The following SLC6A11 variants were observed in gnomAD, a reference collection of about 807,000 sequenced individuals.
The protein encoded by SLC6A11 is sodium- and chloride-dependent GABA transporter 3.
In SLC6A11, 25 loss-of-function variants were observed where a neutral mutation model predicts 74.8. The ratio of observed to expected loss-of-function variants is 0.33; its 90% CI spans 0.24 to 0.47. The LOEUF is 0.47. SLC6A11 is among the 20% of genes least tolerant of loss of function. SLC6A11 has a pLI of 1.00. For missense variants in SLC6A11, 574 were observed against 837.0 expected (o/e 0.69, Z 3.88); for synonymous variants, 330 against 330.2 (o/e 1.00, Z 0.01).
intron 4 of SLC6A11, among the ~76,000 whole-genome samples, chr3:10,842,243 G>T (rs1202437903): frequency 6.6e-6 from 1 of 152,176 alleles, no homozygotes; most frequent in African/African-American, 2.4e-5. Flanking sequence ...GTTTAAAAAT[G>T]ATTCAGGTGG....
At position 10,833,804 on chromosome 3, in the gene SLC6A11, T is replaced by C. The variant is rs546171817; in HGVS notation, c.624-10410T>C. On this transcript the variant is annotated intron_variant, in intron 4 of 13. Transcript: ENST00000254488. ...GAATAGCTGTGGTCTCCTGTTATTA[T>C]GAGTTCTTGATCATTACAGTAAACA... Among the ~76,000 whole-genome samples the C allele has an allele frequency of 6.2e-4, 94 of 152,372 alleles. 1 individual carries two copies. The highest frequency in any genetic ancestry group is 5.4e-3 in the Admixed American group (83 of 15,304).
chr3:10,934,650 A>G (rs1265536854), intron 12 of SLC6A11, among the ~76,000 whole-genome samples: 1 of 152,230 alleles, frequency 6.6e-6, no homozygotes, highest in Non-Finnish European at 1.5e-5. Context: ...GTAACTCAGC[A>G]TCTTCACAGA....
At chr3:10,855,089 A>C (rs1365751843) in intron 5 of SLC6A11, among the ~76,000 whole-genome samples, 3 of 152,066 alleles carry the variant, frequency 2.0e-5, no homozygotes, top group Admixed American at 2.0e-4. Flanking sequence ...GTGAATAGCT[A>C]TGTGGATGGA....
intron 6 of SLC6A11, among the ~76,000 whole-genome samples, chr3:10,888,619 C>T (rs1695071523): frequency 1.3e-5 from 2 of 152,318 alleles, no homozygotes; most frequent in South Asian, 4.1e-4. Flanking sequence ...GGCCCAGCCA[C>T]GCAGTGAGAG....
At chr3:10,858,003 C>T (rs573290702) in intron 5 of SLC6A11, among the ~76,000 whole-genome samples, 1 of 152,316 alleles carries the variant, frequency 6.6e-6, no homozygotes, top group South Asian at 2.1e-4. Context: ...AGAGCCGATG[C>T]ACCACTGAAT....
rs953707467 is a variant in SLC6A11 at position 10,918,944 on chromosome 3, C to T, written c.1120+491C>T. Among the ~76,000 whole-genome samples the T allele has an allele frequency of 2.6e-5, 4 of 152,046 alleles. No individual in the cohort carries two copies. Among genetic ancestry groups the T allele is most frequent in the Non-Finnish European group, 4.4e-5 (3 of 68,008 alleles). ...CCACAAAGCCCTGTGTTGCCCGGCTCCTGTGGCCCCACCAGCCTCACCACC... is the reference window on the plus strand; with the variant it reads ...CCACAAAGCCCTGTGTTGCCCGGCTTCTGTGGCCCCACCAGCCTCACCACC... On this transcript the variant is annotated intron_variant, in intron 8 of 13. Transcript: ENST00000254488. The surrounding 1 kb of genome is among the most constrained non-coding windows in gnomAD (Gnocchi z 4.5).
At chr3:10,821,147 T>C (rs1301204348) in intron 3 of SLC6A11, among the ~76,000 whole-genome samples, 2 of 152,190 alleles carry the variant, frequency 1.3e-5, no homozygotes, top group Non-Finnish European at 2.9e-5. Flanking sequence ...GAAATGTTTA[T>C]CAAACTAAAA....
intron 6 of SLC6A11, among the ~76,000 whole-genome samples, chr3:10,882,433 A>G (rs1349218071): frequency 6.6e-6 from 1 of 152,052 alleles, no homozygotes; most frequent in African/African-American, 2.4e-5. Flanking sequence ...GCTTGCACTC[A>G]TCACCATCGC....
intron 6 of SLC6A11, among the ~76,000 whole-genome samples, chr3:10,876,895 G>A (rs544721141): frequency 6.6e-6 from 1 of 152,258 alleles, no homozygotes; most frequent in Non-Finnish European, 1.5e-5. Flanking sequence ...GTAGTGGAGA[G>A]CACATTGGTC....
chr3:10,926,219 C>A lies in SLC6A11; in HGVS notation c.1233+103C>A. The A allele has an allele frequency of 1.4e-6, 1 of 705,030 alleles. No individual in the cohort carries two copies. The allele number at this position is 705,030 out of a possible 1,614,324, so 43.7% of individuals were successfully genotyped here. On this transcript the variant is annotated intron_variant, in intron 9 of 13. Transcript: ENST00000254488. This position sits in a 1 kb window ranked among gnomAD's most constrained non-coding sequence, Gnocchi z 5.7. ...GCTCCCCAGGCCCAGCCACTCCCAC[C>A]TGGCCCTGGCATCAGGGCCCTGCCC...
intron 5 of SLC6A11, among the ~76,000 whole-genome samples, chr3:10,873,991 C>CGCTAT (rs879605613): frequency 2.5e-3 from 339 of 136,470 alleles, no homozygotes; most frequent in Middle Eastern, 3.5e-3. Context: ...CGCTACGCTA[C>CGCTAT]GCTATGCTAT....
chr3:10,831,882 G>C (rs1694303415), intron 4 of SLC6A11, among the ~76,000 whole-genome samples: 1 of 152,078 alleles, frequency 6.6e-6, no homozygotes, highest in Admixed American at 6.5e-5. Flanking sequence ...ATCTAGCCCT[G>C]AAAAGTGAAA....
intron 6 of SLC6A11, among the ~76,000 whole-genome samples, chr3:10,893,348 C>T (rs1335797697): frequency 3.9e-5 from 6 of 152,152 alleles, no homozygotes; most frequent in Non-Finnish European, 1.5e-5. Context: ...ACTTCTACCT[C>T]GCCCAGAAGG....
intron 4 of SLC6A11, among the ~76,000 whole-genome samples, chr3:10,826,452 C>G (rs983900578): frequency 6.6e-6 from 1 of 152,218 alleles, no homozygotes; most frequent in Admixed American, 6.5e-5. Flanking sequence ...AGAATTCACT[C>G]TGAAACTCCA....
Position 10,823,330 on chromosome 3 carries a change from T to C in SLC6A11, c.561T>C (p.Asn187=). The change falls in exon 4 of 14, where the codon AAT becomes AAC. Residue 187 remains asparagine, a synonymous_variant. Transcript: ENST00000254488. ...TENCVEFQKL[N]VSNYSHVSLQ... ...ATTGTGTGGAGTTCCAGAAACTGAA[T>C]GTGAGCAACTACAGCCATGTGTCTC... The C allele has an allele frequency of 6.2e-7, 1 of 1,613,692 alleles. No homozygotes were observed. Among genetic ancestry groups the C allele is most frequent in the Non-Finnish European group, 8.5e-7 (1 of 1,179,578 alleles).
chr3:10,878,597 T>C (rs1694939321), intron 6 of SLC6A11, among the ~76,000 whole-genome samples: 1 of 149,574 alleles, frequency 6.7e-6, no homozygotes, highest in African/African-American at 2.5e-5. Context: ...TTTTTTTTAG[T>C]AGAGATGGGG....
At chr3:10,821,566 A>C (rs73814442) in intron 3 of SLC6A11, among the ~76,000 whole-genome samples, 1,590 of 152,206 alleles carry the variant, frequency 0.01, 27 homozygotes, top group African/African-American at 0.037. Context: ...TGTCAGTTTC[A>C]TTTTTCTGTT....
Position 10,926,033 on chromosome 3 carries a change from A to C in SLC6A11, c.1150A>C (p.Lys384Gln). Residue 384 changes from lysine (K) to glutamine (Q), a missense_variant, in exon 9 of 14, where the codon AAG becomes CAG. Coordinates refer to ENST00000254488, the MANE Select transcript of SLC6A11 (RefSeq NM_014229.3). This position sits in a 1 kb window ranked among gnomAD's most constrained non-coding sequence, Gnocchi z 5.7. ...GPGLAFIAYP[K>Q]AVTMMPLSPL... The stretch of plus-strand genomic sequence containing the variant: ...CGGCCTGGCCTTTATTGCGTACCCC[A>C]AGGCGGTCACCATGATGCCTCTCTC... The C allele has an allele frequency of 6.2e-7, 1 of 1,612,962 alleles. No individual in the cohort carries two copies. The highest frequency in any genetic ancestry group is 8.5e-7 in the Non-Finnish European group (1 of 1,179,264).
At chr3:10,885,810 G>A (rs1695035851) in intron 6 of SLC6A11, among the ~76,000 whole-genome samples, 1 of 152,076 alleles carries the variant, frequency 6.6e-6, no homozygotes, top group Non-Finnish European at 1.5e-5. Flanking sequence ...TCAGCATCCA[G>A]ACTCCAGGGT....
Sources: gnomAD v4.1 joint callset for allele counts (sites outside exome capture counted in the v4.1 genomes callset) on GRCh38, gnomAD v4.1.1 for gene constraint, Gnocchi (gnomAD v3.1) non-coding constraint, MANE v1.5 for transcripts, NCBI Gene and HGNC (gene_info 2026-07-23, HGNC 2026-07-21) for gene names.